TEX10: variants seen among roughly 807,000 people sequenced by gnomAD.
TEX10 encodes testis-expressed protein 10.
A neutral mutation model predicts 104.4 loss-of-function variants in TEX10; 24 were observed. That is an observed-to-expected ratio of 0.23 (90% CI 0.17 to 0.32). The LOEUF (loss-of-function observed/expected upper bound fraction) is 0.32, where lower values mean the gene tolerates loss of function less well. Among genes scored for constraint, TEX10 ranks in the 10% least tolerant of loss-of-function variants. The probability of loss-of-function intolerance (pLI) is 1.00; values close to 1 mark genes in which losing one functional copy is unlikely to be tolerated. For synonymous variants in TEX10, 396 were observed against 393.4 expected (o/e 1.01, Z -0.08); for missense variants, 921 against 1,083.9 (o/e 0.85, Z 2.11).
chr9:100,348,222 A>G lies in TEX10; in HGVS notation c.181-816T>C, dbSNP rs905128454. 2.6e-5 allele frequency among the ~76,000 whole-genome samples: 4 copies of G among 152,246 alleles called. 1 individual carries two copies. The highest frequency in any genetic ancestry group is 2.0e-4 in the Admixed American group (3 of 15,288). On this transcript the variant is annotated intron_variant, in intron 2 of 14. Transcript: ENST00000374902. ...TATATGCACTTTCTAGAATAAGCAA[A>G]TCTATAGATATCAGAGGTAGATTAG...
intron 13 of TEX10, among the ~76,000 whole-genome samples, chr9:100,308,265 A>G (rs1414416461): frequency 1.3e-5 from 2 of 152,204 alleles, no homozygotes; most frequent in African/African-American, 4.8e-5. Flanking sequence ...AATGCCATCT[A>G]AGTTTTCAAA....
At chr9:100,330,409 G>C (rs1261116601) in intron 5 of TEX10, among the ~76,000 whole-genome samples, 1 of 152,244 alleles carries the variant, frequency 6.6e-6, no homozygotes, top group East Asian at 1.9e-4. Flanking sequence ...ATTACTCAAG[G>C]TGCTATTCAC....
In TEX10 at chr9:100,302,327, T is replaced by A. The variant is rs779820090; in HGVS notation, c.2677-23A>T. On this transcript the variant is annotated intron_variant, in intron 14 of 14. Transcript: ENST00000374902. ...TGTCTGGAGAGAAAAACAAGAGTAATCTGAGAACTGCACCCAAATCACTAT... is the reference window on the plus strand; with the variant it reads ...TGTCTGGAGAGAAAAACAAGAGTAAACTGAGAACTGCACCCAAATCACTAT... 5.2e-6 allele frequency: 8 copies of A among 1,542,522 alleles called. No individual in the cohort carries two copies. The African/African-American group carries it at 9.6e-5, about 18-fold the overall frequency.
chr9:100,351,086 T>A (rs182921339), intron 1 of TEX10, among the ~76,000 whole-genome samples: 1 of 152,110 alleles, frequency 6.6e-6, no homozygotes, highest in Admixed American at 6.5e-5. Flanking sequence ...CGGTACTAGA[T>A]GCATTGTGTA....
intron 5 of TEX10, 145 bp downstream of exon 5, chr9:100,340,112 C>CA: frequency 2.3e-6 from 1 of 428,088 alleles, no homozygotes; most frequent in Non-Finnish European, 4.1e-6. Context: ...GTCCAAAAAT[C>CA]AGCCATATTA....
In TEX10 at chr9:100,336,724, T is replaced by C. The variant is rs545483325; in HGVS notation, c.1250+3533A>G. On this transcript the variant is annotated intron_variant, in intron 5 of 14. Transcript: ENST00000374902. ...CTCCCACCTCAGGTCCATGGAAACA[T>C]TGTTTTCCATGAAACTAGTCCCTCA... Among the ~76,000 whole-genome samples, 10 of 152,306 alleles carry C rather than the reference T, an allele frequency of 6.6e-5. No individual in the cohort carries two copies. The South Asian group carries it at 1.7e-3, about 25-fold the overall frequency.
intron 5 of TEX10, 42 bp downstream of exon 5, chr9:100,340,194 CTTCCTGATAATTTCAGGTTAA>C: frequency 1.0e-6 from 1 of 999,164 alleles, no homozygotes; most frequent in Non-Finnish European, 1.4e-6. Flanking sequence ...AGGTTAATTA[CTTCCTGATAATTTCAGGTTAA>C]ACAGCTTTTC....
chr9:100,310,845 G>A (rs543310772), intron 11 of TEX10, among the ~76,000 whole-genome samples: 192 of 152,178 alleles, frequency 1.3e-3, no homozygotes, highest in Non-Finnish European at 2.1e-3. Context: ...CTTATATATG[G>A]CCTAATTTTC....
chr9:100,346,992 G>A lies in TEX10; in HGVS notation c.595C>T (p.Leu199=). 6.2e-7 allele frequency: 1 copy of A among 1,614,150 alleles called. No individual in the cohort carries two copies. Among genetic ancestry groups the A allele is most frequent in the African/African-American group, 1.3e-5 (1 of 75,036 alleles). ...GACTGGGATCTGTCTCTATTTATCA[G>A]TCCTTTGGACAGCTGCTGATGAGAA... ...LISHQQLSKG[L]INRDRSQSWI... is the part of the protein sequence containing the mutation. Residue 199 remains leucine, a synonymous_variant, in exon 3 of 15, where the codon CTG becomes TTG. Coordinates refer to ENST00000374902, the MANE Select transcript of TEX10 (RefSeq NM_017746.4).
chr9:100,329,989 C>T lies in TEX10; in HGVS notation c.1431G>A (p.Lys477=). The change falls in exon 6 of 15, where the codon AAG becomes AAA. Residue 477 remains lysine, a synonymous_variant. Coordinates refer to ENST00000374902, the MANE Select transcript of TEX10 (RefSeq NM_017746.4). Reference sequence around the variant, plus strand: ...ATACTCCCAGCAATCTGTTCAGTTGCTTACTATTTAGCCTAGAGCCATCTT... The same window carrying T: ...ATACTCCCAGCAATCTGTTCAGTTGTTTACTATTTAGCCTAGAGCCATCTT... ...TLEDGSRLNS[K]QLNRLLGVSW... is the part of the protein sequence containing the mutation. 1 of 1,614,098 alleles carries T rather than the reference C, an allele frequency of 6.2e-7. No homozygotes were observed. Among genetic ancestry groups the T allele is most frequent in the Non-Finnish European group, 8.5e-7 (1 of 1,179,998 alleles).
intron 5 of TEX10, among the ~76,000 whole-genome samples, chr9:100,336,503 C>T (rs1316279750): frequency 1.3e-5 from 2 of 152,168 alleles, no homozygotes; most frequent in African/African-American, 4.8e-5. Context: ...TTATGAGAAT[C>T]TAACACCTGA....
At chr9:100,308,323 A>G (rs962608720) in intron 13 of TEX10, among the ~76,000 whole-genome samples, 177 bp downstream of exon 13, 1 of 152,162 alleles carries the variant, frequency 6.6e-6, no homozygotes, top group Non-Finnish European at 1.5e-5. Flanking sequence ...TTTTCACTAC[A>G]ACACAAAGGG....
chr9:100,335,361 C>T (rs1834980859), intron 5 of TEX10, among the ~76,000 whole-genome samples: 2 of 152,122 alleles, frequency 1.3e-5, no homozygotes, highest in East Asian at 3.9e-4. Context: ...CGCCACCATG[C>T]CCAGCTAATT....
chr9:100,316,345 CAACA>C (rs1227646420), intron 11 of TEX10, among the ~76,000 whole-genome samples: 2 of 152,078 alleles, frequency 1.3e-5, no homozygotes, highest in Non-Finnish European at 2.9e-5. Context: ...TAAAAACCCT[CAACA>C]AACTAGGCAT....
At chr9:100,339,796 C>T (rs180956321) in intron 5 of TEX10, among the ~76,000 whole-genome samples, 13 of 150,544 alleles carry the variant, frequency 8.6e-5, no homozygotes, top group Admixed American at 6.6e-4. Context: ...TAACTTTCAC[C>T]TTCTAATCAA....
At chr9:100,349,471 A>T (rs1419948178) in intron 1 of TEX10, 99 bp from the exon 2 acceptor site, 2 of 696,788 alleles carry the variant, frequency 2.9e-6, no homozygotes, top group Non-Finnish European at 4.3e-6. Context: ...ATTTATTTCA[A>T]TCGTAATCAA....
At chr9:100,303,596 C>A (rs1165136300) in intron 14 of TEX10, 36 bp downstream of exon 14, 2 of 1,608,374 alleles carry the variant, frequency 1.2e-6, no homozygotes, top group East Asian at 4.5e-5. Flanking sequence ...CATTCTTATG[C>A]TAATACTGCA....
At chr9:100,335,734 CT>C (rs990826760) in intron 5 of TEX10, among the ~76,000 whole-genome samples, 175 of 144,546 alleles carry the variant, frequency 1.2e-3, no homozygotes, top group East Asian at 4.0e-3. Flanking sequence ...AAAGCATGTC[CT>C]TTTTTTTTTT....
In TEX10 at chr9:100,310,377, T is replaced by C. The variant is rs1000851724; in HGVS notation, c.2205A>G (p.Ala735=). The change falls in exon 12 of 15, where the codon GCA becomes GCG. Residue 735 remains alanine, a splice_region_variant and synonymous_variant. Transcript: ENST00000374902. ...GAATAACCAATAAACTGTGAAAAAC[T>C]GCCTGTCAGAAAAGGAGAAAACCAC... ...QFLHHWDVTE[A]VFHSLLVIPA... is the part of the protein sequence containing the mutation. 2 of 1,613,352 alleles carry C rather than the reference T, an allele frequency of 1.2e-6. No individual in the cohort carries two copies. The highest frequency in any genetic ancestry group is 2.7e-5 in the African/African-American group (2 of 75,010).
Sources: allele counts gnomAD v4.1 joint callset (sites outside exome capture counted in the v4.1 genomes callset), GRCh38; gene constraint gnomAD v4.1.1; transcripts MANE v1.5; gene names NCBI Gene and HGNC (gene_info 2026-07-23, HGNC 2026-07-21).